Variants in CSMD3 observed in about 807,000 individuals in gnomAD.
CSMD3 encodes CUB and Sushi multiple domains 3.
In CSMD3, 177 loss-of-function variants were observed where a neutral mutation model predicts 435.2. The observed-to-expected ratio is 0.41, with a 90% CI of 0.36 to 0.46. The LOEUF is 0.46. Among genes scored for constraint, CSMD3 ranks in the 20% least tolerant of loss-of-function variants. The pLI, the probability that CSMD3 is intolerant of heterozygous loss-of-function variation, is 0.34. For missense variants in CSMD3, 4,265 were observed against 4,504.6 expected, an observed-to-expected ratio of 0.95 and a Z score of 1.52; for synonymous variants, 1,656 against 1,520.5, an observed-to-expected ratio of 1.09 and a Z score of -2.07.
At position 112,546,311 on chromosome 8, in the gene CSMD3, C is replaced by A. The variant is rs936291241; in HGVS notation, c.4564+4360G>T. Reference sequence around the variant, plus strand: ...AATTTTGTATTTCGGAAAGATCAGTCAGGTAGAAATGTGGAGAAAAGTTTT... The same window carrying A: ...AATTTTGTATTTCGGAAAGATCAGTAAGGTAGAAATGTGGAGAAAAGTTTT... On this transcript the variant is annotated intron_variant, in intron 27 of 70. Coordinates refer to ENST00000297405, the MANE Select transcript of CSMD3 (RefSeq NM_198123.2). Among the ~76,000 whole-genome samples, 12 of 152,032 alleles carry A rather than the reference C, an allele frequency of 7.9e-5. 1 individual carries two copies. The highest frequency in any genetic ancestry group is 3.9e-4 in the Admixed American group (6 of 15,258).
At chr8:112,370,941 T>C (rs1828335012) in intron 38 of CSMD3, among the ~76,000 whole-genome samples, 1 of 152,040 alleles carries the variant, frequency 6.6e-6, no homozygotes, top group Non-Finnish European at 1.5e-5. Flanking sequence ...TTGAGACAGG[T>C]AAAAAGGAAA....
chr8:112,266,028 CAGAA>C (rs1341465478), intron 59 of CSMD3, among the ~76,000 whole-genome samples: 8 of 152,080 alleles, frequency 5.3e-5, no homozygotes, highest in African/African-American at 1.9e-4. Context: ...CAGTGTCACT[CAGAA>C]AGACAACCCC....
chr8:113,373,958 G>C (rs1246872412), intron 1 of CSMD3, among the ~76,000 whole-genome samples: 2 of 152,018 alleles, frequency 1.3e-5, no homozygotes, highest in East Asian at 3.9e-4. Context: ...ATGGGAGTTG[G>C]TGAATTAACA....
intron 3 of CSMD3, among the ~76,000 whole-genome samples, chr8:113,278,087 A>T (rs2093585336): frequency 6.6e-6 from 1 of 151,944 alleles, no homozygotes; most frequent in Non-Finnish European, 1.5e-5. Flanking sequence ...GAAAAAGAAA[A>T]AACACAACCT....
chr8:113,060,591 T>A (rs1244567541), intron 5 of CSMD3, among the ~76,000 whole-genome samples: 1 of 152,184 alleles, frequency 6.6e-6, no homozygotes, highest in Admixed American at 6.5e-5. Flanking sequence ...TTTATATTTG[T>A]TGCTTATTTA....
At chr8:112,292,781 T>A (rs2130692721) in intron 54 of CSMD3, 71 bp from the exon 55 acceptor site, 1 of 1,278,592 alleles carries the variant, frequency 7.8e-7, no homozygotes, top group Non-Finnish European at 1.1e-6. Context: ...GTTATTGCAT[T>A]ATTGATTATA....
intron 13 of CSMD3, among the ~76,000 whole-genome samples, chr8:112,773,106 C>G (rs910195644): frequency 1.3e-5 from 2 of 151,688 alleles, no homozygotes; most frequent in African/African-American, 4.8e-5. Context: ...TTCCACCTGA[C>G]GAGAAACGCT....
intron 17 of CSMD3, among the ~76,000 whole-genome samples, chr8:112,663,301 CA>C (rs930745489): frequency 2.0e-5 from 3 of 151,976 alleles, no homozygotes; most frequent in Non-Finnish European, 2.9e-5. Flanking sequence ...GAATACTATG[CA>C]GCCATAAAAA....
intron 1 of CSMD3, among the ~76,000 whole-genome samples, chr8:113,318,890 C>T (rs531097597): frequency 4.1e-4 from 61 of 150,360 alleles, no homozygotes; most frequent in Non-Finnish European, 7.4e-4. Context: ...GAATAAGATT[C>T]CATTTTGTGT....
intron 11 of CSMD3, among the ~76,000 whole-genome samples, chr8:112,840,452 T>A (rs1458386301): frequency 2.0e-5 from 3 of 151,878 alleles, no homozygotes; most frequent in South Asian, 2.1e-4. Flanking sequence ...CTGGGAAAGT[T>A]ACTTTGTCAA....
chr8:112,887,199 T>G (rs1156545619), intron 10 of CSMD3, among the ~76,000 whole-genome samples: 3 of 70,378 alleles, frequency 4.3e-5, no homozygotes, highest in Non-Finnish European at 9.0e-5. Flanking sequence ...CAATTATTTG[T>G]TTTTTTTTTT....
chr8:112,532,161 G>A (rs1299582328), intron 27 of CSMD3, among the ~76,000 whole-genome samples: 1 of 151,890 alleles, frequency 6.6e-6, no homozygotes, highest in Non-Finnish European at 1.5e-5. Flanking sequence ...ATGGAAGATA[G>A]GTTATTTGAA....
At chr8:112,745,430 A>C (rs1287461289) in intron 13 of CSMD3, among the ~76,000 whole-genome samples, 1 of 152,114 alleles carries the variant, frequency 6.6e-6, no homozygotes, top group Non-Finnish European at 1.5e-5. Flanking sequence ...TAAAAAAATA[A>C]GTAAATGGGT....
At chr8:112,528,755 C>G (rs146690784) in intron 27 of CSMD3, among the ~76,000 whole-genome samples, 1 of 152,124 alleles carries the variant, frequency 6.6e-6, no homozygotes, top group Non-Finnish European at 1.5e-5. Flanking sequence ...AACACCCTCT[C>G]GCCAGACTCC....
At chr8:113,280,344 T>A (rs1269621833) in intron 2 of CSMD3, among the ~76,000 whole-genome samples, 1 of 151,936 alleles carries the variant, frequency 6.6e-6, no homozygotes, top group Non-Finnish European at 1.5e-5. Context: ...TCTTCCTACT[T>A]GTTATTGGTC....
At chr8:112,886,645 C>T (rs1399959055) in intron 10 of CSMD3, among the ~76,000 whole-genome samples, 3 of 151,022 alleles carry the variant, frequency 2.0e-5, no homozygotes, top group African/African-American at 4.9e-5. Context: ...TAGAGCAAAA[C>T]AACAAAACAT....
chr8:113,166,232 C>T (rs376984903), intron 4 of CSMD3, among the ~76,000 whole-genome samples: 32 of 151,998 alleles, frequency 2.1e-4, no homozygotes, highest in East Asian at 1.6e-3. Flanking sequence ...TGGCTGGGTG[C>T]GGTGGCTCAC....
intron 1 of CSMD3, among the ~76,000 whole-genome samples, chr8:113,389,643 T>G (rs914720551): frequency 3.3e-5 from 5 of 151,774 alleles, no homozygotes; most frequent in Non-Finnish European, 7.4e-5. Context: ...ACACATGTTT[T>G]CAAAGTCAAA....
intron 6 of CSMD3, among the ~76,000 whole-genome samples, chr8:113,003,800 A>G (rs1388273751): frequency 6.6e-6 from 1 of 152,074 alleles, no homozygotes; most frequent in Non-Finnish European, 1.5e-5. Context: ...TACTATCTTC[A>G]ACTTAAATCG....
Sources: allele counts gnomAD v4.1 joint callset (sites outside exome capture counted in the v4.1 genomes callset), GRCh38; gene constraint gnomAD v4.1.1; transcripts MANE v1.5; gene names NCBI Gene and HGNC (gene_info 2026-07-23, HGNC 2026-07-21).